The following LOXHD1 variants were observed in gnomAD, a reference collection of about 807,000 sequenced individuals.
The protein encoded by LOXHD1 is lipoxygenase homology domain-containing protein 1.
Under a neutral mutation model 248.2 loss-of-function variants are expected in LOXHD1, and 205 were observed. The observed-to-expected ratio is 0.83, with a 90% confidence interval of 0.74 to 0.93. LOXHD1 has a LOEUF of 0.93. LOXHD1 is among the 40% of genes least tolerant of loss of function. LOXHD1 has a pLI of 0.00. For missense variants in LOXHD1, 2,930 were observed against 2,971.6 expected (o/e 0.99, Z 0.33); for synonymous variants, 1,113 against 1,162.8 (o/e 0.96, Z 0.87).
At position 46,571,314 on chromosome 18, in the gene LOXHD1, A is replaced by T. The variant is rs1746754963; in HGVS notation, c.2047+772T>A. Among the ~76,000 whole-genome samples the T allele has an allele frequency of 2.6e-5, 4 of 152,188 alleles. No individual in the cohort carries two copies. In the South Asian group the frequency reaches 8.3e-4, roughly 32 times the overall value. ...GAGACCCCATCTGTAGAAAAAAAAT[A>T]TAAAAATTAGCCAGGTGTGGTGATG... On this transcript the variant is annotated intron_variant, in intron 15 of 40. Coordinates refer to ENST00000642948, the MANE Select transcript of LOXHD1 (RefSeq NM_001384474.1).
intron 17 of LOXHD1, among the ~76,000 whole-genome samples, chr18:46,563,471 A>C (rs1249554492): frequency 6.6e-6 from 1 of 152,166 alleles, no homozygotes; most frequent in Non-Finnish European, 1.5e-5. Flanking sequence ...CACACACCCC[A>C]GTCATCCTCT....
intron 26 of LOXHD1, 149 bp from the exon 27 acceptor site, chr18:46,534,600 A>G (rs2036223696): frequency 4.5e-6 from 3 of 670,246 alleles, no homozygotes; most frequent in Admixed American, 4.2e-5. Flanking sequence ...GCCAGCTCCC[A>G]TTGTCCTTGA....
chr18:46,656,770 G>T, intron 1 of LOXHD1, 134 bp downstream of exon 1: 2 of 1,065,572 alleles, frequency 1.9e-6, no homozygotes, highest in Non-Finnish European at 1.3e-6. Flanking sequence ...AGGGGATATG[G>T]AACAGACACA....
intron 5 of LOXHD1, among the ~76,000 whole-genome samples, chr18:46,612,510 G>A (rs1433130211): frequency 6.6e-6 from 1 of 151,950 alleles, no homozygotes; most frequent in Non-Finnish European, 1.5e-5. Flanking sequence ...GGCCATTTAG[G>A]CTTTTCTCTT....
At chr18:46,629,046 ACCAAAGGCCAATCTCCTTTTGCCC>A (rs997460153) in intron 4 of LOXHD1, among the ~76,000 whole-genome samples, 7 of 152,156 alleles carry the variant, frequency 4.6e-5, no homozygotes, top group Non-Finnish European at 8.8e-5. Context: ...AAAGGAAGCC[ACCAAAGGCCAATCTCCTTTTGCCC>A]CCATGGAGGA....
At chr18:46,542,947 C>T in intron 23 of LOXHD1, 92 bp from the exon 24 acceptor site, 1 of 1,501,884 alleles carries the variant, frequency 6.7e-7, no homozygotes, top group Non-Finnish European at 9.0e-7. Context: ...TCAAAATGAC[C>T]AAATTTCTGA....
intron 32 of LOXHD1, 48 bp downstream of exon 32, chr18:46,522,049 CTCTG>C: frequency 7.1e-7 from 1 of 1,409,442 alleles, no homozygotes. Context: ...AACTGGTCAG[CTCTG>C]TCTATCCCTA....
At chr18:46,592,606 T>C (rs1470917586) in intron 10 of LOXHD1, 22 bp from the exon 11 acceptor site, 7 of 1,531,984 alleles carry the variant, frequency 4.6e-6, no homozygotes, top group African/African-American at 1.4e-5. Context: ...AATAAAAACA[T>C]TTGAGTGGGC....
At chr18:46,515,439 C>T (rs1477906754) in intron 34 of LOXHD1, among the ~76,000 whole-genome samples, 1 of 151,972 alleles carries the variant, frequency 6.6e-6, no homozygotes, top group African/African-American at 2.4e-5. Context: ...GAAATGATGG[C>T]TCCCCTCACA....
At chr18:46,550,549 C>T (rs1283630524) in intron 21 of LOXHD1, among the ~76,000 whole-genome samples, 6 of 123,430 alleles carry the variant, frequency 4.9e-5, no homozygotes, top group African/African-American at 1.2e-4. Flanking sequence ...GTCCGCAGTC[C>T]GGCCTGGGCG....
chr18:46,606,275 A>T (rs1263571991), intron 6 of LOXHD1, among the ~76,000 whole-genome samples: 2 of 152,204 alleles, frequency 1.3e-5, no homozygotes, highest in Non-Finnish European at 2.9e-5. Context: ...ACAGATGTGC[A>T]TAAAGATAAG....
Position 46,601,334 on chromosome 18 carries a change from A to G in LOXHD1, c.1017T>C (p.Phe339=). 1 of 1,551,688 alleles carries G rather than the reference A, an allele frequency of 6.4e-7. No homozygotes were observed. The highest frequency in any genetic ancestry group is 8.7e-7 in the Non-Finnish European group (1 of 1,146,982). Residue 339 remains phenylalanine (F), a synonymous_variant, in exon 8 of 41, where the codon TTT becomes TTC. Coordinates refer to ENST00000642948, the MANE Select transcript of LOXHD1 (RefSeq NM_001384474.1). Reference sequence around the variant, plus strand: ...GGAAGATGTCCGTGCGGCCTCGGTCAAACACGCCGCCCTCCAGGAAGATTT... The same window carrying G: ...GGAAGATGTCCGTGCGGCCTCGGTCGAACACGCCGCCCTCCAGGAAGATTT... The part of the protein sequence containing the change: ...SGKIFLEGGV[F]DRGRTDIFHI...
intron 4 of LOXHD1, among the ~76,000 whole-genome samples, chr18:46,626,152 T>C (rs750494510): frequency 3.3e-5 from 5 of 152,202 alleles, no homozygotes; most frequent in Non-Finnish European, 7.3e-5. Context: ...CACAGCATTG[T>C]TAATACTGAC....
intron 19 of LOXHD1, among the ~76,000 whole-genome samples, chr18:46,559,835 A>AG (rs1599002385): frequency 6.6e-6 from 1 of 152,184 alleles, no homozygotes; most frequent in East Asian, 1.9e-4. Context: ...GAGTCATATC[A>AG]GGGCTCCTCC....
chr18:46,519,154 C>G, intron 33 of LOXHD1: 1 of 947,104 alleles, frequency 1.1e-6, no homozygotes, highest in Non-Finnish European at 1.3e-6. Context: ...TTCTTACTCC[C>G]TTCCTTCTCA....
intron 4 of LOXHD1, among the ~76,000 whole-genome samples, chr18:46,622,337 C>T (rs903262711): frequency 6.6e-6 from 1 of 152,152 alleles, no homozygotes; most frequent in South Asian, 2.1e-4. Flanking sequence ...ATGGACATTG[C>T]CATGTGAATT....
At chr18:46,545,051 G>A (rs566743549) in intron 23 of LOXHD1, 48 of 499,124 alleles carry the variant, frequency 9.6e-5, no homozygotes, top group African/African-American at 8.1e-4. Flanking sequence ...GAATTTCATT[G>A]AAAGTTGGGC....
intron 14 of LOXHD1, among the ~76,000 whole-genome samples, chr18:46,574,420 C>CACACACACACACACACACACACACACACA (rs1568195079): frequency 2.1e-5 from 3 of 144,144 alleles, no homozygotes; most frequent in South Asian, 2.1e-4. Flanking sequence ...CACACACACA[C>CACACACACACACACACACACACACACACA]CTGATCCTAG....
At chr18:46,613,351 T>C (rs905724364) in intron 5 of LOXHD1, among the ~76,000 whole-genome samples, 2 of 152,168 alleles carry the variant, frequency 1.3e-5, no homozygotes, top group African/African-American at 4.8e-5. Flanking sequence ...GCAAATAATA[T>C]ATTTTTAAAT....
Sources: gnomAD v4.1 joint callset for allele counts (sites outside exome capture counted in the v4.1 genomes callset) on GRCh38, gnomAD v4.1.1 for gene constraint, MANE v1.5 for transcripts, NCBI Gene and HGNC (gene_info 2026-07-23, HGNC 2026-07-21) for gene names.